The following POLR1D variants were observed in gnomAD, a reference collection of about 807,000 sequenced individuals.
The protein encoded by POLR1D is DNA-directed RNA polymerases I and III subunit RPAC2.
Under a neutral mutation model 10.8 loss-of-function variants are expected in POLR1D, and 8 were observed. That is an observed-to-expected ratio of 0.74 (90% CI 0.43 to 1.33). The LOEUF is 1.33. Ranked by LOEUF, POLR1D falls within the 40% of genes most tolerant of loss-of-function variation. POLR1D has a pLI of 0.01. For synonymous variants in POLR1D, 54 were observed against 57.2 expected, an observed-to-expected ratio of 0.94 and a Z score of 0.25; for missense variants, 152 against 161.7, an observed-to-expected ratio of 0.94 and a Z score of 0.32.
chr13:27,623,280 C>A lies in POLR1D; in HGVS notation c.*30C>A, dbSNP rs8459. On this transcript the variant is annotated 3_prime_UTR_variant, in exon 2 of 2. Coordinates refer to ENST00000302979, the MANE Select transcript of POLR1D (RefSeq NM_015972.4). The stretch of plus-strand genomic sequence containing the variant: ...TTATGCAGTATACAAGGAGAACTGT[C>A]CTGTAGGATATTCTCTTCCTGATGG... 29,236 of 1,612,410 alleles carry A rather than the reference C, an allele frequency of 0.018. 329 individuals are homozygous for A. The highest frequency in any genetic ancestry group is 0.021 in the Non-Finnish European group (25,230 of 1,179,688).
chr13:27,639,112 G>A (rs1332686060), intron 1 of POLR1D, among the ~76,000 whole-genome samples: 3 of 151,996 alleles, frequency 2.0e-5, no homozygotes, highest in Non-Finnish European at 2.9e-5. Flanking sequence ...CTTTGCTTGG[G>A]TATTGGCTCC....
At chr13:27,640,838 G>C (rs1956166372) in intron 1 of POLR1D, among the ~76,000 whole-genome samples, 1 of 151,952 alleles carries the variant, frequency 6.6e-6, no homozygotes, top group South Asian at 2.1e-4. Flanking sequence ...ACCAAAACCT[G>C]ATATAAAATG....
chr13:27,621,850 C>A, upstream of POLR1D: 1 of 911,202 alleles, frequency 1.1e-6, no homozygotes, highest in Non-Finnish European at 1.8e-6. Flanking sequence ...CGCTGCGGCT[C>A]CTCCTCCCTC....
intron 2 of POLR1D, among the ~76,000 whole-genome samples, chr13:27,652,323 G>A (rs1956273656): frequency 6.6e-6 from 1 of 152,174 alleles, no homozygotes; most frequent in Non-Finnish European, 1.5e-5. Flanking sequence ...ATCAGTGCTA[G>A]TTCTGCTCTC....
At chr13:27,666,119 G>A in exon 3 of POLR1D, 1 of 631,748 alleles carries the variant, frequency 1.6e-6, no homozygotes, top group Non-Finnish European at 2.7e-6. Flanking sequence ...AAATGACCTA[G>A]CAACTCTTGA....
chr13:27,652,655 G>A (rs1243065001), intron 2 of POLR1D, among the ~76,000 whole-genome samples: 1 of 69,276 alleles, frequency 1.4e-5, no homozygotes, highest in Non-Finnish European at 3.5e-5. Flanking sequence ...CGGATCACTT[G>A]AGTCAGGAGT....
At chr13:27,648,551 C>A in intron 2 of POLR1D, 1 of 743,680 alleles carries the variant, frequency 1.3e-6, no homozygotes, top group Non-Finnish European at 2.3e-6. Flanking sequence ...AATGGGAAAC[C>A]ATGGAAGCAG....
chr13:27,665,539 A>T, intron 2 of POLR1D: 1 of 733,698 alleles, frequency 1.4e-6, no homozygotes, highest in Non-Finnish European at 2.4e-6. Flanking sequence ...CAGAGTTTAC[A>T]CTAGGTGGCA....
intron 2 of POLR1D, chr13:27,648,537 A>G: frequency 1.2e-6 from 1 of 830,154 alleles, no homozygotes; most frequent in South Asian, 1.4e-5. Flanking sequence ...TAGCATATAG[A>G]GGAAATGGGA....
intron 1 of POLR1D, among the ~76,000 whole-genome samples, chr13:27,632,270 T>C (rs1956081452): frequency 6.6e-6 from 1 of 152,154 alleles, no homozygotes; most frequent in Admixed American, 6.5e-5. Flanking sequence ...CCCACAGAAC[T>C]CTAGGAGGGA....
Position 27,622,017 on chromosome 13 carries a change from C to G in POLR1D, c.26+8C>G, listed in dbSNP as rs1427019021. ...GGATCAGGAGCTGGAGAGGTAACGGCCGAGGAGGAGGCGGGCGGAGCGGGC... is the reference window on the plus strand; with the variant it reads ...GGATCAGGAGCTGGAGAGGTAACGGGCGAGGAGGAGGCGGGCGGAGCGGGC... On this transcript the variant is annotated splice_region_variant and intron_variant, in intron 1 of 1. Transcript: ENST00000302979. 9.5e-6 allele frequency: 15 copies of G among 1,585,864 alleles called. No individual in the cohort carries two copies. The highest frequency in any genetic ancestry group is 9.1e-5 in the Admixed American group (5 of 54,898).
At chr13:27,633,860 G>A (rs900087145) in intron 1 of POLR1D, among the ~76,000 whole-genome samples, 1 of 152,148 alleles carries the variant, frequency 6.6e-6, no homozygotes, top group Non-Finnish European at 1.5e-5. Flanking sequence ...ACTTAACAAG[G>A]GGTTTGTGTT....
intron 2 of POLR1D, among the ~76,000 whole-genome samples, chr13:27,660,464 A>G (rs912156221): frequency 6.6e-6 from 1 of 152,242 alleles, no homozygotes; most frequent in East Asian, 1.9e-4. Flanking sequence ...TTCCCTAACC[A>G]TAAAAATAAT....
Position 27,630,869 on chromosome 13 carries a change from C to G in POLR1D, c.26+8860C>G, listed in dbSNP as rs182043475. Among the ~76,000 whole-genome samples, 9 of 152,206 alleles carry G rather than the reference C, an allele frequency of 5.9e-5. No homozygotes were observed. In the East Asian group the frequency reaches 1.2e-3, roughly 20 times the overall value. ...TCCTGGCTGGCTTGCATGAGCTGCC[C>G]GCCTCCCCCACCCTGCTGTCTACCC... is the stretch of plus-strand genomic sequence containing the variant. On this transcript the variant is annotated intron_variant, in intron 1 of 2. Transcript: ENST00000399697.
At chr13:27,649,427 A>G (rs1295831890) in intron 2 of POLR1D, among the ~76,000 whole-genome samples, 5 of 152,194 alleles carry the variant, frequency 3.3e-5, no homozygotes, top group Admixed American at 1.3e-4. Flanking sequence ...CTGGAATTTG[A>G]CTATATTTCC....
rs141355676 is a variant in POLR1D at position 27,644,460 on chromosome 13, A to G, written c.27-3919A>G. Among the ~76,000 whole-genome samples, 128 of 152,308 alleles carry G rather than the reference A, an allele frequency of 8.4e-4. 1 individual carries two copies. The Middle Eastern group carries it at 0.01, about 12-fold the overall frequency. On this transcript the variant is annotated intron_variant, in intron 1 of 2. Coordinates refer to the POLR1D transcript ENST00000399697. ...TTCCTTAAGCATGTACCAGCTGGCT[A>G]ATGGAGTGAACAGGCAGGCCTGAGG...
At chr13:27,629,862 A>G (rs991155969) in intron 1 of POLR1D, among the ~76,000 whole-genome samples, 4 of 152,198 alleles carry the variant, frequency 2.6e-5, no homozygotes, top group East Asian at 1.9e-4. Flanking sequence ...CCAGGGCTCA[A>G]TCTAGGTCAG....
chr13:27,641,586 C>T (rs1054928124), intron 1 of POLR1D, among the ~76,000 whole-genome samples: 5 of 152,050 alleles, frequency 3.3e-5, no homozygotes, highest in Non-Finnish European at 5.9e-5. Flanking sequence ...ATGATGAAAG[C>T]ATATTTGTCA....
At chr13:27,665,795 G>A in exon 3 of POLR1D, 1 of 1,614,118 alleles carries the variant, frequency 6.2e-7, no homozygotes, top group Non-Finnish European at 8.5e-7. Context: ...GGGCGATAAG[G>A]AACCAGCGAA....
Sources: allele counts gnomAD v4.1 joint callset (sites outside exome capture counted in the v4.1 genomes callset), GRCh38; gene constraint gnomAD v4.1.1; transcripts MANE v1.5; gene names NCBI Gene and HGNC (gene_info 2026-07-23, HGNC 2026-07-21).